KLF8: variants seen among roughly 807,000 people sequenced by gnomAD.
The protein encoded by KLF8 is KLF transcription factor 8.
KLF8 carries 10 observed loss-of-function variants against 18.2 expected under a neutral mutation model. The observed-to-expected ratio is 0.55, with a 90% CI of 0.34 to 0.93. KLF8 has a LOEUF of 0.93. Ranked by LOEUF, KLF8 falls within the 40% of genes least tolerant of loss-of-function variation. KLF8 has a pLI of 0.02. For synonymous variants in KLF8, 109 were observed against 97.3 expected, an observed-to-expected ratio of 1.12 and a Z score of -0.71; for missense variants, 264 against 277.9, an observed-to-expected ratio of 0.95 and a Z score of 0.36.
the KLF8 span, among the ~76,000 whole-genome samples, chrX:56,126,663 C>A: frequency 1.4e-4 from 16 of 110,828 alleles, no homozygotes; most frequent in East Asian, 4.3e-3. Context: ...AGCAACTTTG[C>A]ACTTGTCATT....
At chrX:56,061,849 A>G in the KLF8 span, among the ~76,000 whole-genome samples, 4 of 110,583 alleles carry the variant, frequency 3.6e-5, no homozygotes, top group Admixed American at 3.9e-4. Context: ...GTGCCCCTGT[A>G]TTGGGTGCAT....
chrX:56,179,609 A>C, the KLF8 span, among the ~76,000 whole-genome samples: 1 of 112,091 alleles, frequency 8.9e-6, no homozygotes, highest in African/African-American at 3.2e-5. Flanking sequence ...CCCATTTAGT[A>C]TTATATTGGC....
At chrX:55,961,566 G>C in the KLF8 span, 6 of 525,403 alleles carry the variant, frequency 1.1e-5, no homozygotes, top group Admixed American at 1.4e-4. Flanking sequence ...GTGAAGTGTT[G>C]AAAAATGTCC....
chrX:55,958,486 G>T, the KLF8 span, among the ~76,000 whole-genome samples: 1 of 111,619 alleles, frequency 9.0e-6, no homozygotes, highest in Non-Finnish European at 1.9e-5. Context: ...AGAAAATGGG[G>T]GATGGGTAAT....
At chrX:55,979,551 CTT>C in the KLF8 span, among the ~76,000 whole-genome samples, 1 of 111,710 alleles carries the variant, frequency 9.0e-6, no homozygotes, top group Non-Finnish European at 1.9e-5. Context: ...CTTGTACTAT[CTT>C]TATAGATAAT....
the KLF8 span, among the ~76,000 whole-genome samples, chrX:55,966,635 C>G: frequency 8.9e-6 from 1 of 111,887 alleles, no homozygotes; most frequent in Non-Finnish European, 1.9e-5. Flanking sequence ...AGATACCTGG[C>G]AAGTCTTCCC....
the KLF8 span, among the ~76,000 whole-genome samples, chrX:56,175,607 A>G: frequency 9.0e-6 from 1 of 111,623 alleles, no homozygotes; most frequent in Non-Finnish European, 1.9e-5. Context: ...GTAGATGTCT[A>G]TTAGGTCCAT....
chrX:56,083,426 C>T, the KLF8 span, among the ~76,000 whole-genome samples: 1 of 112,039 alleles, frequency 8.9e-6, no homozygotes, highest in African/African-American at 3.2e-5. Flanking sequence ...TTATTTTATA[C>T]AGTAAATTAA....
the KLF8 span, among the ~76,000 whole-genome samples, chrX:56,057,687 A>G: frequency 9.0e-6 from 1 of 111,303 alleles, no homozygotes; most frequent in Non-Finnish European, 1.9e-5. Flanking sequence ...CTCATGTCAG[A>G]CCAGCCCCAT....
At chrX:56,089,186 C>T in the KLF8 span, among the ~76,000 whole-genome samples, 1 of 111,472 alleles carries the variant, frequency 9.0e-6, no homozygotes, top group South Asian at 3.8e-4. Context: ...TCAACCTTAA[C>T]TTTATTAAAA....
intron 1 of KLF8, among the ~76,000 whole-genome samples, chrX:56,247,677 A>C (rs1032441685): frequency 9.0e-6 from 1 of 110,580 alleles, no homozygotes; most frequent in African/African-American, 3.3e-5. Flanking sequence ...GAGGGTCAGG[A>C]TCATCAATAT....
the KLF8 span, among the ~76,000 whole-genome samples, chrX:56,052,519 T>TG: frequency 2.7e-5 from 3 of 111,889 alleles, no homozygotes; most frequent in African/African-American, 9.7e-5. Flanking sequence ...TCTGTTGGAA[T>TG]ACCTGCCGTG....
chrX:56,230,493 G>A (rs2066392018), upstream of KLF8, among the ~76,000 whole-genome samples: 1 of 111,703 alleles, frequency 9.0e-6, no homozygotes, highest in Non-Finnish European at 1.9e-5. Context: ...AAGCTTGGCA[G>A]GGGTGCAGGT....
At chrX:56,041,946 C>G in the KLF8 span, among the ~76,000 whole-genome samples, 42 of 112,140 alleles carry the variant, frequency 3.7e-4, no homozygotes, top group African/African-American at 1.3e-3. Flanking sequence ...CTCTGCCTCC[C>G]AAAGTGCTGG....
the KLF8 span, among the ~76,000 whole-genome samples, chrX:56,096,897 G>A: frequency 2.7e-5 from 3 of 110,381 alleles, no homozygotes; most frequent in Non-Finnish European, 5.7e-5. Flanking sequence ...TGAATTCGAG[G>A]GCATTAAAAT....
At chrX:55,970,337 CAATT>C in the KLF8 span, among the ~76,000 whole-genome samples, 1 of 110,910 alleles carries the variant, frequency 9.0e-6, no homozygotes, top group African/African-American at 3.3e-5. Context: ...ATGATCATCT[CAATT>C]GATGCTGAAA....
rs2066425225 is a variant in KLF8, at chrX:56,233,353, T to C, written c.7+12T>C. On this transcript the variant is annotated intron_variant, in intron 1 of 5. Transcript: ENST00000468660. Reference sequence around the variant, plus strand: ...TAGTGACATGGTCGGTAAGTGACTCTGGGACTAATACCCACCCACTCCCAC... The same window carrying C: ...TAGTGACATGGTCGGTAAGTGACTCCGGGACTAATACCCACCCACTCCCAC... The C allele has an allele frequency of 8.7e-7, 1 of 1,147,076 alleles. No individual in the cohort carries two copies. The highest frequency in any genetic ancestry group is 3.0e-5 in the East Asian group (1 of 33,573). The allele number at this position is 1,147,076 out of a possible 1,213,427, so 94.5% of individuals were successfully genotyped here. A position where few individuals can be genotyped will look rare whatever the true frequency, so the allele number is the denominator to read the frequency against.
chrX:56,186,750 A>G, the KLF8 span, among the ~76,000 whole-genome samples: 2 of 112,225 alleles, frequency 1.8e-5, no homozygotes, highest in African/African-American at 6.5e-5. Context: ...CTACATGGAA[A>G]CTGAACAACC....
At chrX:56,248,306 GA>G (rs58287631) in intron 1 of KLF8, among the ~76,000 whole-genome samples, 145 of 106,312 alleles carry the variant, frequency 1.4e-3, no homozygotes, top group African/African-American at 4.5e-3. Flanking sequence ...CTTAAAGTAT[GA>G]AAAAAAAAAG....
Sources: allele counts gnomAD v4.1 joint callset (sites outside exome capture counted in the v4.1 genomes callset), GRCh38; gene constraint gnomAD v4.1.1; transcripts MANE v1.5; gene names NCBI Gene and HGNC (gene_info 2026-07-23, HGNC 2026-07-21).